The following HS3ST4 variants were observed in gnomAD, a reference collection of about 807,000 sequenced individuals.
HS3ST4 encodes heparan sulfate-glucosamine 3-sulfotransferase 4.
HS3ST4 carries 17 observed loss-of-function variants against 29.2 expected under a neutral mutation model. That is an observed-to-expected ratio of 0.58 (90% confidence interval 0.40 to 0.87). The LOEUF is 0.87. Among genes scored for constraint, HS3ST4 ranks in the 40% least tolerant of loss-of-function variants. HS3ST4 has a pLI of 0.00. For synonymous variants in HS3ST4, 314 were observed against 285.7 expected (o/e 1.10, Z -1.00); for missense variants, 627 against 634.5 (o/e 0.99, Z 0.13).
chr16:25,701,291 G>C (rs569085044), intron 1 of HS3ST4, among the ~76,000 whole-genome samples: 3 of 152,332 alleles, frequency 2.0e-5, no homozygotes, highest in Non-Finnish European at 4.4e-5. Context: ...GTTGGGTCCT[G>C]TGCCCCATTC....
chr16:26,017,817 G>A (rs963357725), intron 1 of HS3ST4, among the ~76,000 whole-genome samples: 1 of 152,146 alleles, frequency 6.6e-6, no homozygotes, highest in Non-Finnish European at 1.5e-5. Flanking sequence ...TAAGAGAAGA[G>A]CCTGGGAACA....
intron 1 of HS3ST4, among the ~76,000 whole-genome samples, chr16:25,756,332 G>A (rs1162830983): frequency 6.6e-6 from 1 of 152,182 alleles, no homozygotes; most frequent in East Asian, 1.9e-4. Context: ...TCTGGTGGCA[G>A]TGAGGAGGGC....
chr16:26,008,673 G>A (rs1359690446), intron 1 of HS3ST4, among the ~76,000 whole-genome samples: 1 of 152,112 alleles, frequency 6.6e-6, no homozygotes, highest in Non-Finnish European at 1.5e-5. Context: ...ATAAAAAATA[G>A]CCAGGTGTGG....
chr16:25,770,984 A>AT (rs568852198), intron 1 of HS3ST4, among the ~76,000 whole-genome samples: 3,701 of 148,396 alleles, frequency 0.025, 148 homozygotes, highest in African/African-American at 0.086. Flanking sequence ...AACAGCCAGG[A>AT]TTTTTTTTTT....
chr16:26,010,225 G>A (rs1483677596), intron 1 of HS3ST4, among the ~76,000 whole-genome samples: 1 of 152,144 alleles, frequency 6.6e-6, no homozygotes, highest in Admixed American at 6.5e-5. Context: ...AGGCCAAGGA[G>A]GGTGGATCAC....
chr16:25,805,823 A>G lies in HS3ST4; in HGVS notation c.734+112672A>G, dbSNP rs368734732. The stretch of plus-strand genomic sequence containing the variant: ...AACCGAAGACCTAGGTCCAGCTTGC[A>G]TTAGCTATTTTTCCTAATGCTCCCT... On this transcript the variant is annotated intron_variant, in intron 1 of 1. Transcript: ENST00000331351. 9.2e-5 allele frequency among the ~76,000 whole-genome samples: 14 copies of G among 152,188 alleles called. No individual in the cohort carries two copies. In the South Asian group the frequency reaches 1.7e-3, roughly 18 times the overall value.
At chr16:25,880,915 A>G (rs904899074) in intron 1 of HS3ST4, among the ~76,000 whole-genome samples, 6 of 152,168 alleles carry the variant, frequency 3.9e-5, no homozygotes, top group Non-Finnish European at 8.8e-5. Flanking sequence ...GGGAGGATGT[A>G]TTTGACAGGT....
intron 1 of HS3ST4, among the ~76,000 whole-genome samples, chr16:25,802,921 TTA>T (rs536958265): frequency 0.022 from 839 of 38,986 alleles, 7 homozygotes; most frequent in South Asian, 0.11. Context: ...AGCTTTTAAG[TTA>T]TATATGTGTG....
At chr16:25,834,196 G>A (rs149256378) in intron 1 of HS3ST4, among the ~76,000 whole-genome samples, 76 of 152,332 alleles carry the variant, frequency 5.0e-4, no homozygotes, top group African/African-American at 1.8e-3. Flanking sequence ...AGCAATGGTT[G>A]TCAAAGGGTG....
intron 1 of HS3ST4, among the ~76,000 whole-genome samples, chr16:25,760,790 A>G (rs1567234457): frequency 6.6e-6 from 1 of 152,196 alleles, no homozygotes; most frequent in Non-Finnish European, 1.5e-5. Context: ...ATTCTGAGGT[A>G]CTGGGGGTTA....
At chr16:25,814,885 A>G (rs943103188) in intron 1 of HS3ST4, among the ~76,000 whole-genome samples, 1 of 152,208 alleles carries the variant, frequency 6.6e-6, no homozygotes, top group Non-Finnish European at 1.5e-5. Context: ...GGCATAAGAC[A>G]TATAGAGACG....
intron 1 of HS3ST4, among the ~76,000 whole-genome samples, chr16:26,053,500 A>G (rs970545094): frequency 9.8e-5 from 15 of 152,320 alleles, no homozygotes; most frequent in African/African-American, 3.6e-4. Context: ...TTTCAGAATT[A>G]AGTTCAGAAT....
At chr16:26,132,143 T>A (rs553710139) in intron 1 of HS3ST4, among the ~76,000 whole-genome samples, 2 of 152,312 alleles carry the variant, frequency 1.3e-5, no homozygotes, top group East Asian at 3.9e-4. Flanking sequence ...AGGAAGGGAC[T>A]GCATCCGTTT....
At chr16:26,049,529 T>C (rs1898311620) in intron 1 of HS3ST4, among the ~76,000 whole-genome samples, 1 of 151,708 alleles carries the variant, frequency 6.6e-6, no homozygotes, top group Non-Finnish European at 1.5e-5. Flanking sequence ...AACACAGTTT[T>C]TCCTCTGCTT....
At chr16:25,911,937 A>G (rs969618361) in intron 1 of HS3ST4, among the ~76,000 whole-genome samples, 1 of 152,184 alleles carries the variant, frequency 6.6e-6, no homozygotes, top group African/African-American at 2.4e-5. Flanking sequence ...AATGATAGAG[A>G]CACCTGTCTA....
intron 1 of HS3ST4, among the ~76,000 whole-genome samples, chr16:25,819,580 C>G (rs1398866202): frequency 6.6e-6 from 1 of 152,162 alleles, no homozygotes; most frequent in Non-Finnish European, 1.5e-5. Context: ...ATTCAGTGAT[C>G]ACTCACAGAA....
At chr16:25,770,415 G>T (rs972136290) in intron 1 of HS3ST4, among the ~76,000 whole-genome samples, 3 of 152,108 alleles carry the variant, frequency 2.0e-5, no homozygotes, top group East Asian at 3.9e-4. Flanking sequence ...TAGGAATTTG[G>T]TTCTATTATC....
intron 1 of HS3ST4, among the ~76,000 whole-genome samples, chr16:25,793,461 G>A (rs1280137726): frequency 2.0e-5 from 3 of 151,870 alleles, no homozygotes; most frequent in Non-Finnish European, 2.9e-5. Context: ...TATGTGACAT[G>A]TTATTAGTTG....
At chr16:25,802,363 C>T (rs1354218736) in intron 1 of HS3ST4, among the ~76,000 whole-genome samples, 2 of 151,862 alleles carry the variant, frequency 1.3e-5, no homozygotes, top group Non-Finnish European at 2.9e-5. Flanking sequence ...CTGAAATATC[C>T]ATTTCTGGGC....
Sources: gnomAD v4.1 joint callset for allele counts (sites outside exome capture counted in the v4.1 genomes callset) on GRCh38, gnomAD v4.1.1 for gene constraint, MANE v1.5 for transcripts, NCBI Gene and HGNC (gene_info 2026-07-23, HGNC 2026-07-21) for gene names.